The following GPC5 variants were observed in gnomAD, a reference collection of about 807,000 sequenced individuals.
GPC5 encodes the protein glypican 5.
In GPC5, 47 loss-of-function variants were observed where a neutral mutation model predicts 53.9. The ratio of observed to expected loss-of-function variants is 0.87; its 90% CI spans 0.69 to 1.11. The LOEUF is 1.11. Among genes scored for constraint, GPC5 ranks in the 50% most tolerant of loss-of-function variants. The probability of loss-of-function intolerance (pLI) is 0.00; values close to 1 mark genes in which losing one functional copy is unlikely to be tolerated. For synonymous variants in GPC5, 286 were observed against 263.3 expected (o/e 1.09, Z -0.84); for missense variants, 748 against 713.1 (o/e 1.05, Z -0.56).
At chr13:92,281,282 A>G (rs1363690483) in intron 7 of GPC5, among the ~76,000 whole-genome samples, 2 of 152,194 alleles carry the variant, frequency 1.3e-5, no homozygotes, top group Non-Finnish European at 2.9e-5. Flanking sequence ...ACCACAGCTC[A>G]AGGAGGCTTG....
intron 4 of GPC5, among the ~76,000 whole-genome samples, chr13:91,754,791 G>A (rs1357709134): frequency 6.6e-6 from 1 of 152,096 alleles, no homozygotes; most frequent in East Asian, 1.9e-4. Flanking sequence ...TTCTGGCAGA[G>A]GAAACGGACT....
intron 7 of GPC5, among the ~76,000 whole-genome samples, chr13:92,235,079 A>G (rs1245359945): frequency 6.6e-6 from 1 of 152,212 alleles, no homozygotes; most frequent in African/African-American, 2.4e-5. Context: ...ACCAATTGAC[A>G]TGAACTCAAT....
At chr13:92,371,944 G>A (rs1335934939) in intron 7 of GPC5, among the ~76,000 whole-genome samples, 4 of 152,220 alleles carry the variant, frequency 2.6e-5, no homozygotes, top group African/African-American at 9.6e-5. Context: ...GATAAAGGAA[G>A]GAGCTTGGGA....
At chr13:92,339,778 G>C (rs1305825879) in intron 7 of GPC5, 1 of 151,884 alleles carries the variant, frequency 6.6e-6, no homozygotes, top group African/African-American at 2.4e-5. Context: ...GGCATTAAAG[G>C]GCAGGTAAAG....
At chr13:92,579,431 C>G (rs1410095522) in intron 7 of GPC5, among the ~76,000 whole-genome samples, 1 of 151,388 alleles carries the variant, frequency 6.6e-6, no homozygotes, top group East Asian at 2.0e-4. Context: ...CTGCTTGGGG[C>G]AACAGGATAC....
intron 6 of GPC5, among the ~76,000 whole-genome samples, chr13:92,070,707 A>G (rs1032159446): frequency 6.6e-6 from 1 of 152,166 alleles, no homozygotes; most frequent in Admixed American, 6.5e-5. Flanking sequence ...ATCTCGGACC[A>G]CTTATCTTAA....
intron 7 of GPC5, among the ~76,000 whole-genome samples, chr13:92,368,634 TAAAAAAAAAAAAA>T (rs34793615): frequency 1.5e-5 from 1 of 66,326 alleles, no homozygotes; most frequent in Non-Finnish European, 2.7e-5. Flanking sequence ...AAGACTGTCT[TAAAAAAAAAAAAA>T]AAAAAAAAAA....
At chr13:92,056,119 A>G (rs959309968) in intron 6 of GPC5, among the ~76,000 whole-genome samples, 2 of 152,162 alleles carry the variant, frequency 1.3e-5, no homozygotes, top group African/African-American at 2.4e-5. Flanking sequence ...TCTGCGGGTC[A>G]GAAGTCTGAA....
intron 7 of GPC5, among the ~76,000 whole-genome samples, chr13:92,167,172 G>A (rs2042037779): frequency 6.6e-6 from 1 of 152,060 alleles, no homozygotes; most frequent in Non-Finnish European, 1.5e-5. Flanking sequence ...TATTCTATCA[G>A]AGAAGTGAAA....
intron 7 of GPC5, among the ~76,000 whole-genome samples, chr13:92,674,305 T>C (rs757373785): frequency 6.6e-6 from 1 of 152,206 alleles, no homozygotes; most frequent in Non-Finnish European, 1.5e-5. Context: ...TATCATACTT[T>C]GAATTTTTCC....
At chr13:91,798,564 A>G (rs1038218752) in intron 5 of GPC5, among the ~76,000 whole-genome samples, 9 of 152,176 alleles carry the variant, frequency 5.9e-5, no homozygotes, top group African/African-American at 2.2e-4. Context: ...ATGTATATGT[A>G]CCACATTGTC....
chr13:92,224,661 A>T (rs2042471974), intron 7 of GPC5, among the ~76,000 whole-genome samples: 1 of 152,216 alleles, frequency 6.6e-6, no homozygotes, highest in African/African-American at 2.4e-5. Context: ...TTGGGTATGT[A>T]CTAGGCAGAG....
intron 7 of GPC5, among the ~76,000 whole-genome samples, chr13:92,467,662 G>T (rs1379365071): frequency 6.6e-6 from 1 of 152,164 alleles, no homozygotes; most frequent in South Asian, 2.1e-4. Context: ...CCTAAAACTA[G>T]CATGTAAAAG....
intron 5 of GPC5, among the ~76,000 whole-genome samples, chr13:91,898,070 G>T (rs929665022): frequency 1.3e-5 from 2 of 152,082 alleles, no homozygotes; most frequent in Non-Finnish European, 2.9e-5. Flanking sequence ...TCTTCACCAA[G>T]TCATATAACC....
At chr13:91,874,769 A>G (rs1274177772) in intron 5 of GPC5, among the ~76,000 whole-genome samples, 1 of 152,158 alleles carries the variant, frequency 6.6e-6, no homozygotes, top group Non-Finnish European at 1.5e-5. Flanking sequence ...TGATTCTTTC[A>G]TTTGACCTTT....
rs1344970187 is a variant in GPC5 at position 92,145,063 on chromosome 13, GTAAAGAAA to G, written c.1561+78_1561+85del. On this transcript the variant is annotated intron_variant, in intron 7 of 7. Coordinates refer to ENST00000377067, the MANE Select transcript of GPC5 (RefSeq NM_004466.6). ...TATAATTAAAGATATTGTTATGGAT[GTAAAGAAA>G]TAATGACAATTCAAAAACAAGCAAG... The G allele has an allele frequency of 3.6e-5, 43 of 1,190,402 alleles. No individual in the cohort carries two copies. The African/African-American group carries it at 6.4e-4, about 18-fold the overall frequency. 73.7% of individuals were successfully genotyped at this position (1,190,402 alleles called of 1,614,324 possible).
At chr13:92,818,366 T>A (rs1877555611) in intron 7 of GPC5, among the ~76,000 whole-genome samples, 1 of 151,996 alleles carries the variant, frequency 6.6e-6, no homozygotes, top group Admixed American at 6.6e-5. Flanking sequence ...GCTTTATAAA[T>A]AATTCTTTAT....
Position 92,495,168 on chromosome 13 carries a change from G to A in GPC5, c.1561+350179G>A, listed in dbSNP as rs542207910. Among the ~76,000 whole-genome samples the A allele has an allele frequency of 2.0e-5, 3 of 152,294 alleles. No homozygotes were observed. The South Asian group carries it at 6.2e-4, about 32-fold the overall frequency. ...CTGAAAATAATATTACATTGCCAAT[G>A]TCATTATGGACATAAGAAAATCTGT... On this transcript the variant is annotated intron_variant, in intron 7 of 7. Transcript: ENST00000377067.
chr13:91,479,069 C>T (rs1369849156), intron 2 of GPC5, among the ~76,000 whole-genome samples: 11 of 150,886 alleles, frequency 7.3e-5, no homozygotes, highest in Admixed American at 4.0e-4. Context: ...CCTGCCACCA[C>T]GCCTGGCTAA....
Sources: allele counts gnomAD v4.1 joint callset (sites outside exome capture counted in the v4.1 genomes callset), GRCh38; gene constraint gnomAD v4.1.1; transcripts MANE v1.5; gene names NCBI Gene and HGNC (gene_info 2026-07-23, HGNC 2026-07-21).